The following RAB43 variants were observed in gnomAD, a reference collection of about 807,000 sequenced individuals.
RAB43 encodes the protein RAB43, member RAS oncogene family, also known as ras-related protein Rab-43.
RAB43 carries 6 observed loss-of-function variants against 18.8 expected under a neutral mutation model. The observed-to-expected ratio is 0.32, with a 90% CI of 0.17 to 0.63. RAB43 has a LOEUF of 0.63. Among genes scored for constraint, RAB43 ranks in the 30% least tolerant of loss-of-function variants. RAB43 has a pLI of 0.79. For missense variants in RAB43, 195 were observed against 289.1 expected (o/e 0.67, Z 2.36); for synonymous variants, 103 against 124.1 (o/e 0.83, Z 1.13).
intron 1 of RAB43, among the ~76,000 whole-genome samples, chr3:129,102,495 T>C (rs1347803615): frequency 6.6e-6 from 1 of 151,504 alleles, no homozygotes; most frequent in Non-Finnish European, 1.5e-5. Context: ...CTGGGCGTGG[T>C]GGCGGTCGCC....
At chr3:129,114,230 T>C (rs1331709034) in intron 1 of RAB43, among the ~76,000 whole-genome samples, 1 of 152,212 alleles carries the variant, frequency 6.6e-6, no homozygotes, top group Non-Finnish European at 1.5e-5. Flanking sequence ...CATTAAAATG[T>C]TGACATGACA....
chr3:129,098,185 C>T (rs1435409576), intron 1 of RAB43, among the ~76,000 whole-genome samples: 5 of 152,072 alleles, frequency 3.3e-5, no homozygotes, highest in Non-Finnish European at 7.4e-5. Flanking sequence ...GTCTCATTAG[C>T]GACCCGTATA....
At chr3:129,117,202 C>T (rs1576850717) in intron 1 of RAB43, among the ~76,000 whole-genome samples, 1 of 152,230 alleles carries the variant, frequency 6.6e-6, no homozygotes, top group East Asian at 1.9e-4. Context: ...AATGGTTTAT[C>T]TATTCAAAAG....
At position 129,095,189 on chromosome 3, in the gene RAB43, C is replaced by T; in HGVS notation, c.205-20G>A. The stretch of plus-strand genomic sequence containing the variant: ...CTGCAGCTAAAGAAATAAGGTTCCT[C>T]AGTGAACCCAGTGGCACAGGCTGAA... On this transcript the variant is annotated intron_variant, in intron 1 of 2. Coordinates refer to ENST00000315150, the MANE Select transcript of RAB43 (RefSeq NM_198490.3). This position sits in a 1 kb window ranked among gnomAD's most constrained non-coding sequence, Gnocchi z 4.2. 6.2e-7 allele frequency: 1 copy of T among 1,607,608 alleles called. No homozygotes were observed. Among genetic ancestry groups the T allele is most frequent in the Non-Finnish European group, 8.5e-7 (1 of 1,176,212 alleles).
chr3:129,100,673 G>C (rs1487035451), intron 1 of RAB43, among the ~76,000 whole-genome samples: 1 of 152,206 alleles, frequency 6.6e-6, no homozygotes, highest in Non-Finnish European at 1.5e-5. Context: ...ATGGCTGGTA[G>C]TATTCCCATC....
At chr3:129,104,399 C>T (rs1934621593) in intron 1 of RAB43, among the ~76,000 whole-genome samples, 2 of 152,224 alleles carry the variant, frequency 1.3e-5, no homozygotes, top group East Asian at 3.8e-4. Context: ...GCTATTTGAA[C>T]TTTTCCCAGC....
Position 129,121,391 on chromosome 3 carries a change from GCA to G in RAB43, c.97_98del (p.Cys33ArgfsTer81). 1 of 1,612,760 alleles carries G rather than the reference GCA, an allele frequency of 6.2e-7. No individual in the cohort carries two copies. The highest frequency in any genetic ancestry group is 1.1e-5 in the South Asian group (1 of 90,794). On this transcript the variant is annotated frameshift_variant, in exon 1 of 3. Coordinates refer to ENST00000315150, the MANE Select transcript of RAB43 (RefSeq NM_198490.3). LOFTEE classifies it high-confidence loss of function. ...CGCCGGTCTTGAAGCGCTGCACCAC[GCA>G]CGTCTTGCCCACGCTTGCGTCGCCC... is the stretch of plus-strand genomic sequence containing the variant. The part of the protein sequence containing the change: ...LVGDASVGKT[C>X]VVQRFKTGAF...
At chr3:129,096,635 G>C (rs1265906565) in intron 1 of RAB43, among the ~76,000 whole-genome samples, 3 of 152,124 alleles carry the variant, frequency 2.0e-5, no homozygotes, top group African/African-American at 7.2e-5. Flanking sequence ...TCAGAAATAG[G>C]GAAAGATTCA....
chr3:129,093,246 C>G (rs1933801559), intron 2 of RAB43, among the ~76,000 whole-genome samples: 2 of 152,036 alleles, frequency 1.3e-5, no homozygotes, highest in African/African-American at 4.8e-5. Flanking sequence ...CCACCTCAGC[C>G]TCTCAGTGTT....
At chr3:129,094,168 A>G (rs1576816015) in intron 2 of RAB43, among the ~76,000 whole-genome samples, 1 of 152,328 alleles carries the variant, frequency 6.6e-6, no homozygotes. Flanking sequence ...CCTGGATCAG[A>G]TGCTCTGGAG....
chr3:129,106,684 A>G (rs1246472852), intron 1 of RAB43, among the ~76,000 whole-genome samples: 2 of 152,174 alleles, frequency 1.3e-5, no homozygotes, highest in Admixed American at 6.5e-5. Context: ...GCAGACTGCA[A>G]TGCATGCAGT....
At position 129,121,723 on chromosome 3, in the gene RAB43, G is replaced by C. The variant is rs1199397573; in HGVS notation, c.-234C>G. On this transcript the variant is annotated 5_prime_UTR_variant, in exon 1 of 3. Transcript: ENST00000315150. ...GCCCCGCCCGGACCCGGTGCCCCGCGGGTTCGGCTCCCCCCCGGACCCGCC... is the reference window on the plus strand; with the variant it reads ...GCCCCGCCCGGACCCGGTGCCCCGCCGGTTCGGCTCCCCCCCGGACCCGCC... 7.4e-6 allele frequency: 2 copies of C among 271,918 alleles called. No homozygotes were observed. The highest frequency in any genetic ancestry group is 5.3e-5 in the African/African-American group (2 of 37,520). The allele number at this position is 271,918 out of a possible 1,614,324, so 16.8% of individuals were successfully genotyped here. A position where few individuals can be genotyped will look rare whatever the true frequency, so the allele number is the denominator to read the frequency against.
chr3:129,120,941 G>A (rs913658099), intron 1 of RAB43, among the ~76,000 whole-genome samples: 1 of 152,148 alleles, frequency 6.6e-6, no homozygotes, highest in Non-Finnish European at 1.5e-5. Flanking sequence ...ACTCCAAGGC[G>A]CTCCGCTAGT....
At chr3:129,106,062 C>G (rs1159586632) in intron 1 of RAB43, among the ~76,000 whole-genome samples, 1 of 152,170 alleles carries the variant, frequency 6.6e-6, no homozygotes, top group East Asian at 1.9e-4. Flanking sequence ...CCAGGGATTC[C>G]TAGTTCACGT....
At chr3:129,121,177 A>G in intron 1 of RAB43, 109 bp downstream of exon 1, 1 of 994,702 alleles carries the variant, frequency 1.0e-6, no homozygotes, top group Admixed American at 2.9e-5. Flanking sequence ...GGGGAAGCCA[A>G]AGGAAACTTC....
chr3:129,121,165 A>T, intron 1 of RAB43, 121 bp downstream of exon 1: 1 of 807,690 alleles, frequency 1.2e-6, no homozygotes, highest in Non-Finnish European at 1.8e-6. Context: ...AGGAAGGAAA[A>T]AGGGGAAGCC....
intron 1 of RAB43, among the ~76,000 whole-genome samples, chr3:129,106,205 T>C (rs954089590): frequency 6.6e-6 from 1 of 152,232 alleles, no homozygotes; most frequent in Non-Finnish European, 1.5e-5. Flanking sequence ...AGGAAGGTTT[T>C]ACTTGACAAG....
chr3:129,105,873 C>CT (rs969324239), intron 1 of RAB43, among the ~76,000 whole-genome samples: 4 of 152,146 alleles, frequency 2.6e-5, no homozygotes, highest in African/African-American at 9.7e-5. Flanking sequence ...CTCCTGGTTC[C>CT]TATGTCCCTC....
At chr3:129,118,154 C>T (rs1935668208) in intron 1 of RAB43, among the ~76,000 whole-genome samples, 1 of 152,088 alleles carries the variant, frequency 6.6e-6, no homozygotes, top group Admixed American at 6.6e-5. Flanking sequence ...TGCAAAGGTC[C>T]TGAGGCAGGG....
Sources: gnomAD v4.1 joint callset for allele counts (sites outside exome capture counted in the v4.1 genomes callset) on GRCh38, gnomAD v4.1.1 for gene constraint, Gnocchi (gnomAD v3.1) non-coding constraint, MANE v1.5 for transcripts, NCBI Gene and HGNC (gene_info 2026-07-23, HGNC 2026-07-21) for gene names.